Variants in TMEM131 observed in about 807,000 individuals in gnomAD.
The protein encoded by TMEM131 is transmembrane protein 131, also known as 2610524E03Rik.
Under a neutral mutation model 211.6 loss-of-function variants are expected in TMEM131, and 66 were observed. The ratio of observed to expected loss-of-function variants is 0.31; its 90% CI spans 0.26 to 0.38. The LOEUF (loss-of-function observed/expected upper bound fraction) is 0.38. Among genes scored for constraint, TMEM131 ranks in the 10% least tolerant of loss-of-function variants. The pLI is 1.00. For missense variants in TMEM131, 2,036 were observed against 2,299.3 expected (o/e 0.89, Z 2.34); for synonymous variants, 844 against 841.3 (o/e 1.00, Z -0.06).
At chr2:97,790,149 T>G (rs996437642) in intron 31 of TMEM131, among the ~76,000 whole-genome samples, 3 of 152,140 alleles carry the variant, frequency 2.0e-5, no homozygotes, top group Non-Finnish European at 4.4e-5. Flanking sequence ...TGCAGGGGTG[T>G]GGGGGTAGGC....
intron 11 of TMEM131, among the ~76,000 whole-genome samples, chr2:97,820,654 C>G (rs1682070857): frequency 6.6e-6 from 1 of 152,032 alleles, no homozygotes; most frequent in African/African-American, 2.4e-5. Flanking sequence ...GTCAGGAGTT[C>G]AAGACCAGCC....
intron 3 of TMEM131, among the ~76,000 whole-genome samples, chr2:97,907,928 C>A (rs1676139249): frequency 6.6e-6 from 1 of 152,174 alleles, no homozygotes; most frequent in African/African-American, 2.4e-5. Flanking sequence ...ACTTCCTTTA[C>A]ATCTATGGTC....
intron 11 of TMEM131, among the ~76,000 whole-genome samples, chr2:97,820,510 G>C (rs527733202): frequency 5.9e-5 from 9 of 152,280 alleles, no homozygotes; most frequent in Admixed American, 5.9e-4. Context: ...TTTAACTAGA[G>C]ATGTGAGCTT....
At chr2:97,933,705 C>T (rs1425856938) in intron 1 of TMEM131, among the ~76,000 whole-genome samples, 1 of 151,918 alleles carries the variant, frequency 6.6e-6, no homozygotes, top group Non-Finnish European at 1.5e-5. Flanking sequence ...TGCATCACGA[C>T]CAAGTGACTT....
intron 36 of TMEM131, 108 bp from the exon 37 acceptor site, chr2:97,761,022 G>T: frequency 6.9e-7 from 1 of 1,451,544 alleles, no homozygotes; most frequent in Non-Finnish European, 9.4e-7. Context: ...CTGCAGCGGG[G>T]CAGCTCACAG....
intron 1 of TMEM131, among the ~76,000 whole-genome samples, chr2:97,943,297 G>T (rs1004822924): frequency 2.0e-5 from 3 of 151,988 alleles, no homozygotes; most frequent in African/African-American, 7.2e-5. Flanking sequence ...AAAACATCAC[G>T]TTCCAAATTA....
At chr2:97,846,937 T>C (rs1344841341) in intron 5 of TMEM131, among the ~76,000 whole-genome samples, 1 of 151,952 alleles carries the variant, frequency 6.6e-6, no homozygotes, top group Non-Finnish European at 1.5e-5. Context: ...TCCCAGCAAT[T>C]TGGGAGGCCG....
intron 31 of TMEM131, among the ~76,000 whole-genome samples, chr2:97,779,055 A>C (rs1042567305): frequency 2.6e-5 from 4 of 152,264 alleles, no homozygotes; most frequent in Non-Finnish European, 5.9e-5. Context: ...AAAATACTGC[A>C]GTCTGGGCCC....
intron 1 of TMEM131, among the ~76,000 whole-genome samples, chr2:97,935,105 C>T (rs2104468259): frequency 6.6e-6 from 1 of 152,116 alleles, no homozygotes; most frequent in South Asian, 2.1e-4. Flanking sequence ...AAAATATTTG[C>T]AAACTACATA....
chr2:97,904,071 A>T (rs1675969209), intron 3 of TMEM131, among the ~76,000 whole-genome samples: 1 of 152,212 alleles, frequency 6.6e-6, no homozygotes, highest in South Asian at 2.1e-4. Context: ...ACTAAAGAGA[A>T]GTGAAAATTA....
At chr2:97,942,223 G>C (rs1259041847) in intron 1 of TMEM131, among the ~76,000 whole-genome samples, 3 of 150,982 alleles carry the variant, frequency 2.0e-5, no homozygotes, top group Non-Finnish European at 4.4e-5. Context: ...ACTATCACAA[G>C]GACAGAAAAC....
intron 7 of TMEM131, among the ~76,000 whole-genome samples, chr2:97,838,399 A>G (rs961313533): frequency 6.6e-6 from 1 of 151,714 alleles, no homozygotes; most frequent in South Asian, 2.1e-4. Flanking sequence ...GGATAAAGCA[A>G]GAAAAATGGC....
intron 4 of TMEM131, among the ~76,000 whole-genome samples, chr2:97,885,291 G>A (rs1160424104): frequency 6.3e-5 from 3 of 47,912 alleles, no homozygotes; most frequent in African/African-American, 3.2e-4. Flanking sequence ...TCCGCTTCCC[G>A]GTCCATTCTC....
At chr2:97,772,124 T>C (rs1041338187) in intron 33 of TMEM131, among the ~76,000 whole-genome samples, 173 bp downstream of exon 33, 4 of 152,188 alleles carry the variant, frequency 2.6e-5, no homozygotes, top group Admixed American at 1.3e-4. Context: ...TCAACAACAG[T>C]ACATATCAGG....
intron 33 of TMEM131, among the ~76,000 whole-genome samples, 167 bp downstream of exon 33, chr2:97,772,130 T>G (rs1177438399): frequency 6.6e-6 from 1 of 152,148 alleles, no homozygotes; most frequent in Non-Finnish European, 1.5e-5. Flanking sequence ...ACAGTACATA[T>G]CAGGTGACAG....
intron 11 of TMEM131, chr2:97,827,106 A>G: frequency 2.1e-6 from 1 of 471,590 alleles, no homozygotes; most frequent in Non-Finnish European, 3.8e-6. Flanking sequence ...AAAATCCCAA[A>G]CTTACAAGGT....
chr2:97,876,282 G>C (rs1483403419), intron 4 of TMEM131, among the ~76,000 whole-genome samples: 1 of 152,154 alleles, frequency 6.6e-6, no homozygotes, highest in Non-Finnish European at 1.5e-5. Flanking sequence ...GAGGTACAAA[G>C]AGGAGCTGGT....
chr2:97,802,919 C>A (rs1019257989), intron 22 of TMEM131, 129 bp from the exon 23 acceptor site: 2 of 750,592 alleles, frequency 2.7e-6, no homozygotes, highest in Non-Finnish European at 4.2e-6. Context: ...TTTATTCATT[C>A]TAATATTTTA....
intron 1 of TMEM131, among the ~76,000 whole-genome samples, chr2:97,956,232 T>C (rs187832919): frequency 6.6e-5 from 10 of 152,292 alleles, no homozygotes; most frequent in Admixed American, 2.0e-4. Flanking sequence ...GATACAAGTA[T>C]GAAAATAATC....
Sources: gnomAD v4.1 joint callset for allele counts (sites outside exome capture counted in the v4.1 genomes callset) on GRCh38, gnomAD v4.1.1 for gene constraint, MANE v1.5 for transcripts, NCBI Gene and HGNC (gene_info 2026-07-23, HGNC 2026-07-21) for gene names.